The following PCDHA10 variants were observed in gnomAD, a reference collection of about 807,000 sequenced individuals.
PCDHA10 encodes protocadherin alpha-10.
In PCDHA10, 45 loss-of-function variants were observed where a neutral mutation model predicts 61.2. The observed-to-expected ratio is 0.74, with a 90% confidence interval of 0.58 to 0.94. PCDHA10 has a LOEUF of 0.94. PCDHA10 is among the 40% of genes least tolerant of loss of function. The pLI, the probability that PCDHA10 is intolerant of heterozygous loss-of-function variation, is 0.00. For missense variants in PCDHA10, 1,278 were observed against 1,236.2 expected, an observed-to-expected ratio of 1.03 and a Z score of -0.51; for synonymous variants, 602 against 548.8, an observed-to-expected ratio of 1.10 and a Z score of -1.35.
At chr5:140,968,639 GC>G in intron 1 of PCDHA10, 1 of 1,614,150 alleles carries the variant, frequency 6.2e-7, no homozygotes, top group Non-Finnish European at 8.5e-7. Context: ...TTACCATCTA[GC>G]CCAGACTTCT....
intron 1 of PCDHA10, chr5:140,876,137 T>G (rs782331817): frequency 1.2e-6 from 2 of 1,613,916 alleles, no homozygotes; most frequent in Non-Finnish European, 8.5e-7. Context: ...AAACCAGAAC[T>G]AACAGGGTCT....
At chr5:140,897,471 G>A (rs1260992963) in intron 1 of PCDHA10, among the ~76,000 whole-genome samples, 3 of 151,810 alleles carry the variant, frequency 2.0e-5, no homozygotes, top group Non-Finnish European at 4.4e-5. Flanking sequence ...AGTTTACTGA[G>A]AATGATGATT....
At chr5:140,868,963 A>G in intron 1 of PCDHA10, 2 of 1,423,054 alleles carry the variant, frequency 1.4e-6, no homozygotes, top group Non-Finnish European at 1.9e-6. Context: ...TCCCATACAA[A>G]GGAACTCCAT....
intron 1 of PCDHA10, among the ~76,000 whole-genome samples, chr5:140,892,867 A>G (rs1452797610): frequency 1.3e-5 from 2 of 152,150 alleles, no homozygotes; most frequent in African/African-American, 4.8e-5. Context: ...CTGTGTAGCT[A>G]TAATTTCGTA....
rs559205841 is a variant in PCDHA10 at position 140,922,691 on chromosome 5, C to G, written c.2389-56258C>G. On this transcript the variant is annotated intron_variant, in intron 1 of 3. Coordinates refer to ENST00000307360, the MANE Select transcript of PCDHA10 (RefSeq NM_018901.4). ...GCAGTAAAAAAGTGAACAGGCTCTGCTTCCATACAGTCAAGAACAAAAAGA... is the reference window on the plus strand; with the variant it reads ...GCAGTAAAAAAGTGAACAGGCTCTGGTTCCATACAGTCAAGAACAAAAAGA... 2.0e-4 allele frequency among the ~76,000 whole-genome samples: 30 copies of G among 152,262 alleles called. No individual in the cohort carries two copies. In the South Asian group the frequency reaches 6.0e-3, roughly 31 times the overall value.
chr5:140,935,710 A>C (rs551291942), intron 1 of PCDHA10, among the ~76,000 whole-genome samples: 1 of 152,272 alleles, frequency 6.6e-6, no homozygotes, highest in South Asian at 2.1e-4. Context: ...TATAAAACAA[A>C]ATATATTTAG....
intron 1 of PCDHA10, chr5:140,969,364 T>C: frequency 6.2e-7 from 1 of 1,610,368 alleles, no homozygotes; most frequent in Non-Finnish European, 8.5e-7. Context: ...TTCTACAAAC[T>C]CATGCATTTG....
chr5:140,957,792 T>C (rs148659760), intron 1 of PCDHA10, among the ~76,000 whole-genome samples: 1 of 152,230 alleles, frequency 6.6e-6, no homozygotes, highest in East Asian at 1.9e-4. Flanking sequence ...TCATCATATA[T>C]GTTAAGTAAA....
chr5:140,868,490 A>C (rs1383994336), intron 1 of PCDHA10: 1 of 152,330 alleles, frequency 6.6e-6, no homozygotes, highest in African/African-American at 2.4e-5. Flanking sequence ...TTTTTCTTTG[A>C]GTTCCCTAGC....
chr5:140,961,571 A>AT (rs2095622432), intron 1 of PCDHA10, among the ~76,000 whole-genome samples: 1 of 152,076 alleles, frequency 6.6e-6, no homozygotes. Flanking sequence ...TTTTGTTTTG[A>AT]TAAGCATTTA....
chr5:140,875,771 C>T lies in PCDHA10; in HGVS notation c.2388+17335C>T, dbSNP rs182160950. 7,595 of 1,614,196 alleles carry T rather than the reference C, an allele frequency of 4.7e-3. 28 individuals carry two copies. Among genetic ancestry groups the T allele is most frequent in the Middle Eastern group, 6.4e-3 (39 of 6,062 alleles). ...CGCGAGAAGCTGTGCGGGCGGAGCG[C>T]GGAGTGCAGTATCCACCTGGAGGTG... On this transcript the variant is annotated intron_variant, in intron 1 of 3. Transcript: ENST00000307360.
intron 1 of PCDHA10, among the ~76,000 whole-genome samples, chr5:140,897,061 T>C (rs1554187169): frequency 6.6e-6 from 1 of 152,134 alleles, no homozygotes; most frequent in Admixed American, 6.6e-5. Context: ...TCAAATACTA[T>C]GTCTTATTCA....
Position 140,857,442 on chromosome 5 carries a change from A to G in PCDHA10, c.1394A>G (p.Glu465Gly), listed in dbSNP as rs1554150038. ...AQSEYTVFVK[E>G]NNPPGCHIFT... Reference sequence around the variant, plus strand: ...TCCGAGTACACGGTGTTCGTGAAGGAGAACAACCCGCCAGGCTGCCACATC... The same window carrying G: ...TCCGAGTACACGGTGTTCGTGAAGGGGAACAACCCGCCAGGCTGCCACATC... Residue 465 changes from glutamate (E) to glycine (G), a missense_variant, in exon 1 of 4, where the codon GAG becomes GGG. Glu to Gly is a moderately conservative substitution (Grantham distance 98, BLOSUM62 -2). Transcript: ENST00000307360. The G allele has an allele frequency of 6.3e-7, 1 of 1,598,266 alleles. No homozygotes were observed. The highest frequency in any genetic ancestry group is 1.3e-5 in the African/African-American group (1 of 74,338).
chr5:140,882,288 G>C (rs1554173426), intron 1 of PCDHA10: 2 of 1,613,210 alleles, frequency 1.2e-6, no homozygotes, highest in East Asian at 2.2e-5. Flanking sequence ...TCCTGGCAAG[G>C]AGGCCCAAGA....
chr5:140,943,719 T>C (rs1198620937), intron 1 of PCDHA10, among the ~76,000 whole-genome samples: 2 of 152,126 alleles, frequency 1.3e-5, no homozygotes, highest in Non-Finnish European at 2.9e-5. Context: ...TTTAAAGGTC[T>C]GAGAGAATGA....
chr5:140,989,842 G>A (rs1411244835), intron 3 of PCDHA10, among the ~76,000 whole-genome samples: 1 of 152,178 alleles, frequency 6.6e-6, no homozygotes, highest in Non-Finnish European at 1.5e-5. Context: ...GTCAATGAGT[G>A]TGTGGACTGG....
At chr5:140,934,245 T>C (rs2089728870) in intron 1 of PCDHA10, among the ~76,000 whole-genome samples, 1 of 152,158 alleles carries the variant, frequency 6.6e-6, no homozygotes, top group Non-Finnish European at 1.5e-5. Context: ...ATTGTGGAGA[T>C]TTATCAAAAT....
chr5:140,873,624 A>G lies in PCDHA10; in HGVS notation c.2388+15188A>G, dbSNP rs562277902. On this transcript the variant is annotated intron_variant, in intron 1 of 3. Transcript: ENST00000307360. The stretch of plus-strand genomic sequence containing the variant: ...TTCCTATTGGCTTAACAATTTGTTT[A>G]GGTCAAAGAGTATGTGAGAACTACA... Among the ~76,000 whole-genome samples the G allele has an allele frequency of 2.6e-5, 4 of 152,192 alleles. No homozygotes were observed. In the South Asian group the frequency reaches 8.3e-4, roughly 32 times the overall value.
chr5:140,856,849 T>G lies in PCDHA10; in HGVS notation c.801T>G (p.Asp267Glu), dbSNP rs1327483649. 6.3e-7 allele frequency: 1 copy of G among 1,593,444 alleles called. No homozygotes were observed. Among genetic ancestry groups the G allele is most frequent in the African/African-American group, 1.3e-5 (1 of 74,204 alleles). The change falls in exon 1 of 4, where the codon GAT becomes GAG. Residue 267 changes from aspartate (D) to glutamate (E), a missense_variant. By Grantham distance (45) the Asp-to-Glu change is conservative. Coordinates refer to ENST00000307360, the MANE Select transcript of PCDHA10 (RefSeq NM_018901.4). Reference sequence around the variant, plus strand: ...TAGTAATACGGCTCAACGCTTCTGATTCGGATGAAGGAATAAACAAGGAAA... The same window carrying G: ...TAGTAATACGGCTCAACGCTTCTGAGTCGGATGAAGGAATAAACAAGGAAA... ...QTLVIRLNAS[D>E]SDEGINKEMM...
Sources: gnomAD v4.1 joint callset for allele counts (sites outside exome capture counted in the v4.1 genomes callset) on GRCh38, gnomAD v4.1.1 for gene constraint, MANE v1.5 for transcripts, NCBI Gene and HGNC (gene_info 2026-07-23, HGNC 2026-07-21) for gene names.